The following ATR variants were observed in gnomAD, a reference collection of about 807,000 sequenced individuals.
ATR encodes serine/threonine-protein kinase ATR.
In ATR, 142 loss-of-function variants were observed where a neutral mutation model predicts 305.3. That is an observed-to-expected ratio of 0.47 (90% CI 0.41 to 0.53). ATR has a LOEUF of 0.53. Among genes scored for constraint, ATR ranks in the 20% least tolerant of loss-of-function variants. The probability of loss-of-function intolerance (pLI) is 0.00; values close to 1 mark genes in which losing one functional copy is unlikely to be tolerated. For missense variants in ATR, 2,135 were observed against 3,133.1 expected, an observed-to-expected ratio of 0.68 and a Z score of 7.60; for synonymous variants, 1,050 against 1,068.1, an observed-to-expected ratio of 0.98 and a Z score of 0.33.
chr3:142,532,854 T>C (rs1391250538), intron 21 of ATR, among the ~76,000 whole-genome samples: 1 of 152,206 alleles, frequency 6.6e-6, no homozygotes, highest in Non-Finnish European at 1.5e-5. Flanking sequence ...TGTTGTCTCA[T>C]GGACTCTTAA....
At position 142,575,799 on chromosome 3, in the gene ATR, G is replaced by C. The variant is rs190646419; in HGVS notation, c.59+2847C>G. On this transcript the variant is annotated intron_variant, in intron 1 of 46. Transcript: ENST00000350721. ...AGGCAGGAACAGCCTTGGTATCCTG[G>C]AGAAACAAGGTCAGTATCACTAGAG... 5.9e-5 allele frequency among the ~76,000 whole-genome samples: 9 copies of C among 152,322 alleles called. 1 individual carries two copies. The East Asian group carries it at 1.7e-3, about 29-fold the overall frequency.
At chr3:142,513,246 A>C (rs780182021) in intron 26 of ATR, among the ~76,000 whole-genome samples, 22 of 152,212 alleles carry the variant, frequency 1.4e-4, no homozygotes, top group Non-Finnish European at 1.0e-4. Context: ...AAAATGTGAA[A>C]AGGTTAAAAA....
Position 142,454,437 on chromosome 3 carries a change from C to CTTTTTTTTTTT in ATR, c.7656-1215_7656-1205dup, listed in dbSNP as rs760823609. Among the ~76,000 whole-genome samples the CTTTTTTTTTTT allele has an allele frequency of 1.9e-3, 190 of 101,480 alleles. 11 individuals are homozygous for CTTTTTTTTTTT. The highest frequency in any genetic ancestry group is 9.1e-3 in the African/African-American group (183 of 20,126). 66.6% of individuals were successfully genotyped at this position (101,480 alleles called of 152,430 possible). On this transcript the variant is annotated intron_variant, in intron 45 of 46. Transcript: ENST00000350721. The stretch of plus-strand genomic sequence containing the variant: ...TTCTACCATAATGTCTGATAGACAG[C>CTTTTTTTTTTT]TTTTTTTTTTTTTTTTTTTTTTTGA...
chr3:142,484,141 T>A (rs2030746118), intron 36 of ATR, among the ~76,000 whole-genome samples: 1 of 152,156 alleles, frequency 6.6e-6, no homozygotes, highest in Admixed American at 6.5e-5. Context: ...CCTTCACTCA[T>A]CTGCCTAAGG....
chr3:142,472,174 T>TG (rs1462452643), intron 36 of ATR: 3 of 151,968 alleles, frequency 2.0e-5, no homozygotes, highest in African/African-American at 7.3e-5. Flanking sequence ...CCCATGTTGA[T>TG]GGACACTTAG....
chr3:142,523,396 G>A (rs565202177), intron 22 of ATR, among the ~76,000 whole-genome samples: 1 of 152,100 alleles, frequency 6.6e-6, no homozygotes, highest in East Asian at 1.9e-4. Context: ...CTCCAGCCTG[G>A]GTGACAGAGC....
chr3:142,469,523 T>C lies in ATR; in HGVS notation c.6366A>G (p.Ile2122Met). 6.2e-7 allele frequency: 1 copy of C among 1,613,998 alleles called. No individual in the cohort carries two copies. Among genetic ancestry groups the C allele is most frequent in the East Asian group, 2.2e-5 (1 of 44,864 alleles). Residue 2122 changes from isoleucine to methionine, a missense_variant, in exon 38 of 47, where the codon ATA (isoleucine) becomes ATG (methionine). Ile to Met is a conservative substitution (Grantham distance 10, BLOSUM62 1). Around this residue, in one of 9 missense-constraint regions of ATR, gnomAD observed 462 missense variants for 887.6 expected, o/e 0.52. Transcript: ENST00000350721. ...RVQMRNDLGK[I>M]NKVITEHTNY... Reference sequence around the variant, plus strand: ...TTGTATGCTCTGTGATAACCTTGTTTATTTTACCCAAATCATTCCTCATTT... The same window carrying C: ...TTGTATGCTCTGTGATAACCTTGTTCATTTTACCCAAATCATTCCTCATTT...
At chr3:142,553,592 A>T (rs2034557366) in intron 12 of ATR, 48 bp downstream of exon 12, 1 of 1,533,276 alleles carries the variant, frequency 6.5e-7, no homozygotes, top group Non-Finnish European at 9.0e-7. Context: ...ATAAAAATGG[A>T]GAATGGCCAA....
intron 35 of ATR, among the ~76,000 whole-genome samples, chr3:142,489,146 T>A (rs1217565908): frequency 6.6e-6 from 1 of 151,884 alleles, no homozygotes; most frequent in Admixed American, 6.6e-5. Flanking sequence ...AGACCAGCCT[T>A]GGCAGAACAG....
intron 34 of ATR, 22 bp downstream of exon 34, chr3:142,496,339 A>G (rs763217668): frequency 1.2e-5 from 11 of 901,470 alleles, no homozygotes; most frequent in South Asian, 8.0e-5. Context: ...TATATATATG[A>G]TGACATTTCC....
intron 21 of ATR, among the ~76,000 whole-genome samples, chr3:142,527,866 T>A (rs908220874): frequency 3.9e-5 from 6 of 152,182 alleles, no homozygotes; most frequent in African/African-American, 1.4e-4. Context: ...TCTGTACCCA[T>A]CAGCAATCAC....
intron 36 of ATR, among the ~76,000 whole-genome samples, chr3:142,475,254 T>C (rs113095297): frequency 6.6e-6 from 1 of 151,456 alleles, no homozygotes; most frequent in Non-Finnish European, 1.5e-5. Flanking sequence ...CCCCAGCCCC[T>C]CACCCCACAA....
At chr3:142,467,643 T>C (rs184753036) in intron 39 of ATR, among the ~76,000 whole-genome samples, 1 of 152,302 alleles carries the variant, frequency 6.6e-6, no homozygotes, top group East Asian at 1.9e-4. Flanking sequence ...GCTTATTTCA[T>C]ATTCTCTACT....
At chr3:142,577,918 C>G (rs1339837902) in intron 1 of ATR, among the ~76,000 whole-genome samples, 1 of 152,178 alleles carries the variant, frequency 6.6e-6, no homozygotes, top group Non-Finnish European at 1.5e-5. Flanking sequence ...TGGTAAGATA[C>G]TGGTTTTCAT....
In ATR at chr3:142,556,121, A is replaced by G; in HGVS notation, c.2097T>C (p.Asp699=). Residue 699 remains aspartate (D), a synonymous_variant, in exon 10 of 47, where the codon GAT becomes GAC. Transcript: ENST00000350721. ...PKILIDKVKD[D]SDIVKKEFAS... ...CAAATTCTTTCTTGACAATGTCAGA[A>G]TCATCTTTGACTTTATCTCTGGGGA... is the stretch of plus-strand genomic sequence containing the variant. 1.9e-6 allele frequency: 3 copies of G among 1,613,438 alleles called. No homozygotes were observed. Among genetic ancestry groups the G allele is most frequent in the East Asian group, 4.5e-5 (2 of 44,848 alleles).
intron 14 of ATR, 108 bp from the exon 15 acceptor site, chr3:142,549,781 C>G: frequency 2.1e-6 from 2 of 950,348 alleles, no homozygotes; most frequent in Non-Finnish European, 3.3e-6. Context: ...TATTTGGAGT[C>G]CACTCCATAC....
intron 36 of ATR, among the ~76,000 whole-genome samples, chr3:142,474,077 C>A (rs555232988): frequency 1.3e-5 from 2 of 151,622 alleles, no homozygotes; most frequent in African/African-American, 4.8e-5. Context: ...CAGATGTGTG[C>A]CACCATGCCT....
In ATR at chr3:142,553,741, C is replaced by A. The variant is rs755272769; in HGVS notation, c.2533-1G>T. Reference sequence around the variant, plus strand: ...CTTCCTTCATTCTTAAGACAAAAAGCTAGAACAATAAAATTAACTGGTTAA... The same window carrying A: ...CTTCCTTCATTCTTAAGACAAAAAGATAGAACAATAAAATTAACTGGTTAA... On this transcript the variant is annotated splice_acceptor_variant, in intron 11 of 46. Transcript: ENST00000350721. LOFTEE classifies it high-confidence loss of function. 6.2e-7 allele frequency: 1 copy of A among 1,611,652 alleles called. No individual in the cohort carries two copies. Among genetic ancestry groups the A allele is most frequent in the South Asian group, 1.1e-5 (1 of 91,018 alleles).
intron 1 of ATR, among the ~76,000 whole-genome samples, chr3:142,576,784 G>A (rs187766258): frequency 1.3e-5 from 2 of 152,148 alleles, no homozygotes; most frequent in Non-Finnish European, 2.9e-5. Flanking sequence ...GAAGGCAGGA[G>A]AGTGGAAAGG....
Sources: gnomAD v4.1 joint callset for allele counts (sites outside exome capture counted in the v4.1 genomes callset) on GRCh38, gnomAD v4.1.1 for gene constraint, gnomAD v4.1.1 regional missense constraint, MANE v1.5 for transcripts, NCBI Gene and HGNC (gene_info 2026-07-23, HGNC 2026-07-21) for gene names.